RARB: variants seen among roughly 807,000 people sequenced by gnomAD.
The protein encoded by RARB is HBV-activated protein.
Under a neutral mutation model 51.9 loss-of-function variants are expected in RARB, and 17 were observed. That is an observed-to-expected ratio of 0.33 (90% CI 0.22 to 0.49). The LOEUF (loss-of-function observed/expected upper bound fraction) is 0.49, where lower values mean the gene tolerates loss of function less well. Among genes scored for constraint, RARB ranks in the 20% least tolerant of loss-of-function variants. RARB has a pLI of 0.99. For missense variants in RARB, 369 were observed against 550.8 expected (o/e 0.67, Z 3.30); for synonymous variants, 215 against 195.4 (o/e 1.10, Z -0.84).
chr3:25,098,714 G>C (rs1699346002), intron 3 of RARB, among the ~76,000 whole-genome samples: 2 of 152,072 alleles, frequency 1.3e-5, no homozygotes, highest in African/African-American at 4.8e-5. Context: ...AGATTGTCTG[G>C]CCCACACAGC....
chr3:24,950,666 T>A (rs1467995168), intron 2 of RARB, among the ~76,000 whole-genome samples: 1 of 150,162 alleles, frequency 6.7e-6, no homozygotes, highest in Non-Finnish European at 1.5e-5. Context: ...CCAGCAGGGT[T>A]AGTGGAAGAC....
chr3:25,428,407 C>T lies in RARB; in HGVS notation c.-325C>T. The stretch of plus-strand genomic sequence containing the variant: ...GATCCGAGCAGGGTTTGTCTGGGCA[C>T]CGTCGGGGTAGGATCCGGAACGCAT... On this transcript the variant is annotated 5_prime_UTR_variant, in exon 1 of 8. Coordinates refer to ENST00000330688, the MANE Select transcript of RARB (RefSeq NM_000965.5). 1 of 1,265,080 alleles carries T rather than the reference C, an allele frequency of 7.9e-7. No homozygotes were observed. The highest frequency in any genetic ancestry group is 3.4e-5 in the South Asian group (1 of 29,556). 78.4% of individuals were successfully genotyped at this position (1,265,080 alleles called of 1,614,324 possible). A position where few individuals can be genotyped will look rare whatever the true frequency, so the allele number is the denominator to read the frequency against.
intron 3 of RARB, among the ~76,000 whole-genome samples, chr3:25,541,236 C>T (rs1196995037): frequency 1.3e-5 from 2 of 152,114 alleles, no homozygotes; most frequent in African/African-American, 4.8e-5. Context: ...CTCTAGTGGC[C>T]CTGAATCCCT....
At chr3:25,212,289 A>G (rs1701717600) in intron 5 of RARB, among the ~76,000 whole-genome samples, 1 of 152,234 alleles carries the variant, frequency 6.6e-6, no homozygotes, top group South Asian at 2.1e-4. Context: ...CAATAATTTT[A>G]ACAACTTTCT....
At chr3:25,247,724 G>A (rs1029501261) in intron 5 of RARB, among the ~76,000 whole-genome samples, 3 of 152,200 alleles carry the variant, frequency 2.0e-5, no homozygotes, top group East Asian at 1.9e-4. Context: ...CGCCTTCTGC[G>A]TTGGCCTGGC....
At chr3:24,879,547 G>T (rs1191469667) in intron 2 of RARB, among the ~76,000 whole-genome samples, 1 of 148,776 alleles carries the variant, frequency 6.7e-6, no homozygotes, top group Non-Finnish European at 1.5e-5. Context: ...TTTAAAGCTG[G>T]GTGTGGTGGC....
At chr3:25,492,080 A>G (rs73046130) in intron 2 of RARB, among the ~76,000 whole-genome samples, 33,750 of 152,198 alleles carry the variant, frequency 0.22, 4,229 homozygotes, top group African/African-American at 0.35. Flanking sequence ...ACAGCTCTTC[A>G]CTTTTTGAAG....
At chr3:25,078,514 T>C (rs1188477753) in intron 3 of RARB, among the ~76,000 whole-genome samples, 1 of 150,186 alleles carries the variant, frequency 6.7e-6, no homozygotes, top group African/African-American at 2.5e-5. Context: ...TTTAAGATAG[T>C]GCAAGTCCTC....
chr3:25,275,110 ACAGTCT>A (rs1217054949), intron 5 of RARB, among the ~76,000 whole-genome samples: 1 of 152,190 alleles, frequency 6.6e-6, no homozygotes, highest in Non-Finnish European at 1.5e-5. Context: ...AGGTCACTGC[ACAGTCT>A]CAGTCATAGT....
chr3:25,005,276 C>T (rs1697246668), intron 2 of RARB, among the ~76,000 whole-genome samples: 1 of 152,036 alleles, frequency 6.6e-6, no homozygotes, highest in South Asian at 2.1e-4. Flanking sequence ...GAAATTACAC[C>T]AATACGTAGT....
rs568436481 is a variant in RARB, at chr3:25,301,437, C to A, written c.178+126862C>A. 6.0e-3 allele frequency among the ~76,000 whole-genome samples: 570 copies of A among 94,708 alleles called. 2 individuals are homozygous for A. Among genetic ancestry groups the A allele is most frequent in the African/African-American group, 0.018 (542 of 30,014 alleles). The allele number at this position is 94,708 out of a possible 152,430, so 62.1% of individuals were successfully genotyped here. A position where few individuals can be genotyped will look rare whatever the true frequency, so the allele number is the denominator to read the frequency against. ...GTATGGAGTTACTCACAGCTCTGTGCTGGTGATATAACCATGGCTACCTTC... is the reference window on the plus strand; with the variant it reads ...GTATGGAGTTACTCACAGCTCTGTGATGGTGATATAACCATGGCTACCTTC... On this transcript the variant is annotated intron_variant, in intron 5 of 11. Transcript: ENST00000383772.
chr3:24,941,452 C>T (rs1331160757), intron 2 of RARB, among the ~76,000 whole-genome samples: 1 of 151,898 alleles, frequency 6.6e-6, no homozygotes, highest in Admixed American at 6.6e-5. Flanking sequence ...TCACTGCAAC[C>T]TCCGCCTCCC....
intron 2 of RARB, among the ~76,000 whole-genome samples, chr3:24,979,871 A>G (rs539423868): frequency 1.4e-4 from 21 of 152,292 alleles, no homozygotes; most frequent in Middle Eastern, 6.8e-3. Context: ...CATAGCATCA[A>G]TGGTCTTTAC....
intron 2 of RARB, among the ~76,000 whole-genome samples, chr3:24,885,689 G>A (rs1466534364): frequency 6.6e-6 from 1 of 152,124 alleles, no homozygotes. Context: ...GGTTAGAATT[G>A]GGTAAGACAG....
chr3:25,264,499 G>C (rs1455258742), intron 5 of RARB, among the ~76,000 whole-genome samples: 1 of 152,108 alleles, frequency 6.6e-6, no homozygotes, highest in African/African-American at 2.4e-5. Context: ...AAGGTAAATT[G>C]AATAGCTTTC....
chr3:25,576,162 A>G (rs1321263185), intron 4 of RARB, among the ~76,000 whole-genome samples: 1 of 152,126 alleles, frequency 6.6e-6, no homozygotes, highest in Non-Finnish European at 1.5e-5. Flanking sequence ...GCTAAGTTTG[A>G]GGAGGTAGGT....
chr3:24,888,593 T>C (rs1292739086), intron 2 of RARB, among the ~76,000 whole-genome samples: 2 of 151,968 alleles, frequency 1.3e-5, no homozygotes, highest in African/African-American at 4.8e-5. Context: ...TAAAAAAAAA[T>C]CTGTAAAACG....
At chr3:24,900,014 G>A (rs1057042366) in intron 2 of RARB, among the ~76,000 whole-genome samples, 15 of 152,052 alleles carry the variant, frequency 9.9e-5, no homozygotes, top group African/African-American at 3.6e-4. Context: ...CATTTGGACA[G>A]CAACCATAAT....
rs151187384 is a variant in RARB at position 25,522,741 on chromosome 3, G to A, written c.448+21418G>A. ...AGCCCCGGGTAAGGGGGAGGTCTGC[G>A]GGTCCTCTTAGAGCCGTCGGGCATC... is the stretch of plus-strand genomic sequence containing the variant. On this transcript the variant is annotated intron_variant, in intron 3 of 7. Coordinates refer to ENST00000330688, the MANE Select transcript of RARB (RefSeq NM_000965.5). Among the ~76,000 whole-genome samples, 202 of 152,186 alleles carry A rather than the reference G, an allele frequency of 1.3e-3. 1 individual carries two copies. The highest frequency in any genetic ancestry group is 2.1e-3 in the Non-Finnish European group (140 of 68,002).
Sources: allele counts gnomAD v4.1 joint callset (sites outside exome capture counted in the v4.1 genomes callset), GRCh38; gene constraint gnomAD v4.1.1; transcripts MANE v1.5; gene names NCBI Gene and HGNC (gene_info 2026-07-23, HGNC 2026-07-21).